LRMDA: variants seen among roughly 807,000 people sequenced by gnomAD.
The protein encoded by LRMDA is leucine rich melanocyte differentiation associated, also known as leucine-rich melanocyte differentiation-associated protein.
Under a neutral mutation model 29.8 loss-of-function variants are expected in LRMDA, and 18 were observed. That is an observed-to-expected ratio of 0.60 (90% CI 0.42 to 0.90). The LOEUF is 0.90. Among genes scored for constraint, LRMDA ranks in the 40% least tolerant of loss-of-function variants. LRMDA has a pLI of 0.00. For missense variants in LRMDA, 273 were observed against 273.9 expected (o/e 1.00, Z 0.02); for synonymous variants, 125 against 109.4 (o/e 1.14, Z -0.89).
At chr10:76,319,648 C>CT in intron 5 of LRMDA, among the ~76,000 whole-genome samples, 1 of 152,158 alleles carries the variant, frequency 6.6e-6, no homozygotes, top group East Asian at 1.9e-4. Flanking sequence ...ATGAGTGATG[C>CT]TTTTTCTTAT....
intron 6 of LRMDA, among the ~76,000 whole-genome samples, chr10:76,414,046 A>G (rs1387752119): frequency 1.3e-5 from 2 of 152,230 alleles, no homozygotes; most frequent in Non-Finnish European, 2.9e-5. Context: ...ACCCAGGCAG[A>G]ATGACCTAAG....
chr10:75,813,225 A>C (rs1330426097), intron 2 of LRMDA, among the ~76,000 whole-genome samples: 2 of 152,208 alleles, frequency 1.3e-5, no homozygotes, highest in East Asian at 3.9e-4. Context: ...GGAAGATTGC[A>C]GTGGAGCTGC....
At chr10:76,159,625 G>T (rs747624693) in intron 5 of LRMDA, among the ~76,000 whole-genome samples, 1 of 152,140 alleles carries the variant, frequency 6.6e-6, no homozygotes, top group African/African-American at 2.4e-5. Flanking sequence ...AAACTTGGAG[G>T]CAACCAAGAG....
intron 5 of LRMDA, 85 bp downstream of exon 5, chr10:76,058,868 A>G: frequency 9.5e-7 from 1 of 1,047,500 alleles, no homozygotes. Context: ...ATGTCCTCTG[A>G]GTGTTTAGAA....
At chr10:75,784,728 G>A (rs1264190826) in intron 2 of LRMDA, among the ~76,000 whole-genome samples, 8 of 151,742 alleles carry the variant, frequency 5.3e-5, no homozygotes, top group Admixed American at 1.3e-4. Flanking sequence ...AGAAACAAAG[G>A]TAGATAATGC....
At chr10:75,882,076 G>C (rs1299787097) in intron 2 of LRMDA, among the ~76,000 whole-genome samples, 4 of 152,200 alleles carry the variant, frequency 2.6e-5, no homozygotes, top group African/African-American at 9.7e-5. Context: ...ATCACAGGCA[G>C]AGGGCACAGC....
chr10:76,363,226 A>G (rs1427132927), intron 6 of LRMDA, among the ~76,000 whole-genome samples: 2 of 37,858 alleles, frequency 5.3e-5, no homozygotes, highest in African/African-American at 1.2e-4. Context: ...AGAGAAAGAA[A>G]GAAAGAAAGA....
chr10:76,294,699 T>C (rs1840391121), intron 5 of LRMDA, among the ~76,000 whole-genome samples: 3 of 152,160 alleles, frequency 2.0e-5, no homozygotes, highest in Admixed American at 2.0e-4. Flanking sequence ...TTTAATAGGA[T>C]TGTAAGTTAG....
intron 6 of LRMDA, among the ~76,000 whole-genome samples, chr10:76,493,099 T>C (rs1250312464): frequency 1.3e-5 from 2 of 152,000 alleles, no homozygotes; most frequent in Non-Finnish European, 2.9e-5. Flanking sequence ...CTCGTGTTCC[T>C]CTAGGACACA....
intron 2 of LRMDA, among the ~76,000 whole-genome samples, chr10:75,783,666 CTG>C (rs1412993825): frequency 6.6e-5 from 10 of 152,216 alleles, no homozygotes; most frequent in Middle Eastern, 3.4e-3. Flanking sequence ...CTTTTTGAGT[CTG>C]TTTCTTTGTC....
At chr10:75,836,293 T>G (rs776969112) in intron 2 of LRMDA, among the ~76,000 whole-genome samples, 2 of 152,102 alleles carry the variant, frequency 1.3e-5, no homozygotes, top group Admixed American at 6.5e-5. Context: ...TCAAGAGAGT[T>G]GGAAGTGATG....
chr10:76,452,756 A>G (rs1842419016), intron 6 of LRMDA, among the ~76,000 whole-genome samples: 1 of 152,254 alleles, frequency 6.6e-6, no homozygotes, highest in Non-Finnish European at 1.5e-5. Context: ...ATGATCAGTT[A>G]ACAGCAAAAT....
intron 2 of LRMDA, among the ~76,000 whole-genome samples, chr10:75,683,130 A>G (rs945062621): frequency 1.3e-5 from 2 of 152,190 alleles, no homozygotes; most frequent in African/African-American, 4.8e-5. Context: ...TAGCTTATTT[A>G]GCTCCCTCTA....
chr10:76,550,225 T>C (rs1373106856), intron 6 of LRMDA, among the ~76,000 whole-genome samples: 3 of 152,240 alleles, frequency 2.0e-5, no homozygotes, highest in African/African-American at 7.2e-5. Flanking sequence ...TTGCTGTGAA[T>C]AATTAATGCT....
chr10:75,934,947 T>C (rs944101848), intron 2 of LRMDA, among the ~76,000 whole-genome samples: 1 of 152,160 alleles, frequency 6.6e-6, no homozygotes, highest in Non-Finnish European at 1.5e-5. Context: ...CAGCGGAGAT[T>C]TCCCTCTTGG....
chr10:75,823,539 T>C (rs1844197450), intron 2 of LRMDA, among the ~76,000 whole-genome samples: 1 of 152,108 alleles, frequency 6.6e-6, no homozygotes, highest in African/African-American at 2.4e-5. Flanking sequence ...TAAATAAGTA[T>C]AACCTCTATG....
chr10:76,210,785 T>C (rs1010695373), intron 5 of LRMDA, among the ~76,000 whole-genome samples: 1 of 152,228 alleles, frequency 6.6e-6, no homozygotes, highest in Non-Finnish European at 1.5e-5. Context: ...AGGAGGAGAT[T>C]AGACCTTAAT....
intron 2 of LRMDA, among the ~76,000 whole-genome samples, chr10:75,967,766 G>C (rs112254526): frequency 6.6e-6 from 1 of 152,004 alleles, no homozygotes; most frequent in Non-Finnish European, 1.5e-5. Context: ...GGAGGGAGGC[G>C]GCGGGCAGGG....
At chr10:76,316,457 A>G (rs1413482261) in intron 5 of LRMDA, among the ~76,000 whole-genome samples, 3 of 152,156 alleles carry the variant, frequency 2.0e-5, no homozygotes, top group Non-Finnish European at 4.4e-5. Context: ...CCCTTGACAG[A>G]TGTGGGATCT....
Sources: gnomAD v4.1 joint callset for allele counts (sites outside exome capture counted in the v4.1 genomes callset) on GRCh38, gnomAD v4.1.1 for gene constraint, MANE v1.5 for transcripts, NCBI Gene and HGNC (gene_info 2026-07-23, HGNC 2026-07-21) for gene names.